The following PALD1 variants were observed in gnomAD, a reference collection of about 807,000 sequenced individuals.
PALD1 encodes paladin.
Under a neutral mutation model 96.0 loss-of-function variants are expected in PALD1, and 57 were observed. The observed-to-expected ratio is 0.59, with a 90% CI of 0.48 to 0.74. The LOEUF is 0.74. Ranked by LOEUF, PALD1 falls within the 30% of genes least tolerant of loss-of-function variation. The probability of loss-of-function intolerance (pLI) is 0.00; values close to 1 mark genes in which losing one functional copy is unlikely to be tolerated. For synonymous variants in PALD1, 464 were observed against 473.6 expected (o/e 0.98, Z 0.26); for missense variants, 1,063 against 1,143.7 (o/e 0.93, Z 1.02).
chr10:70,472,299 C>T, the PALD1 span, among the ~76,000 whole-genome samples: 1 of 152,098 alleles, frequency 6.6e-6, no homozygotes, highest in African/African-American at 2.4e-5. Context: ...TTGCTCTTGT[C>T]GCCTGGGCTG....
Position 70,539,196 on chromosome 10 carries a change from C to T in PALD1, c.1674C>T (p.His558=). 6.2e-7 allele frequency: 1 copy of T among 1,612,884 alleles called. No individual in the cohort carries two copies. The highest frequency in any genetic ancestry group is 8.5e-7 in the Non-Finnish European group (1 of 1,179,544). ...AGGCCGTGTTGGAGTGTGACGGGCA[C>T]ACCTACAGCCTGCGGTGGCCTGGGC... ...REEAVLECDG[H]TYSLRWPGPP... The change falls in exon 14 of 20, where the codon CAC becomes CAT. Residue 558 remains histidine, a synonymous_variant. Coordinates refer to ENST00000263563, the MANE Select transcript of PALD1 (RefSeq NM_014431.3). This position sits in a 1 kb window ranked among gnomAD's most constrained non-coding sequence, Gnocchi z 4.5.
At chr10:70,460,761 A>T in the PALD1 span, among the ~76,000 whole-genome samples, 1 of 152,200 alleles carries the variant, frequency 6.6e-6, no homozygotes, top group Non-Finnish European at 1.5e-5. Context: ...TGTAGGATGA[A>T]ATACAAGCTC....
rs200429743 is a variant in PALD1 at position 70,564,405 on chromosome 10, G to C, written c.2304G>C (p.Gln768His). The C allele has an allele frequency of 2.5e-4, 410 of 1,613,762 alleles. 2 individuals carry two copies. The highest frequency in any genetic ancestry group is 1.6e-4 in the Non-Finnish European group (187 of 1,179,692). ...AKEAQEMRRL[Q>H]LRSLQYLERY... Reference sequence around the variant, plus strand: ...AGGCGCAAGAAATGCGGAGGCTGCAGCTGCGGAGCCTGCAGTACTTGGAGC... The same window carrying C: ...AGGCGCAAGAAATGCGGAGGCTGCACCTGCGGAGCCTGCAGTACTTGGAGC... Residue 768 changes from glutamine to histidine, a missense_variant, in exon 19 of 20, where the codon CAG becomes CAC. Coordinates refer to ENST00000263563, the MANE Select transcript of PALD1 (RefSeq NM_014431.3).
At chr10:70,463,932 C>G in the PALD1 span, among the ~76,000 whole-genome samples, 3 of 152,238 alleles carry the variant, frequency 2.0e-5, no homozygotes, top group African/African-American at 7.2e-5. Context: ...TGAGGTTGAA[C>G]TTAGTAGGTG....
At chr10:70,507,901 C>G (rs775486119) in intron 1 of PALD1, among the ~76,000 whole-genome samples, 2 of 152,136 alleles carry the variant, frequency 1.3e-5, no homozygotes, top group African/African-American at 4.8e-5. Context: ...CTCCTTTGTG[C>G]CAAGCACAGG....
intron 6 of PALD1, 70 bp from the exon 7 acceptor site, chr10:70,532,925 C>T (rs994680234): frequency 2.8e-5 from 42 of 1,517,958 alleles, no homozygotes; most frequent in East Asian, 1.4e-4. Context: ...AAACAGTGCC[C>T]GGGAATAGGG....
At chr10:70,484,694 A>G (rs1464841288) in intron 1 of PALD1, among the ~76,000 whole-genome samples, 1 of 152,048 alleles carries the variant, frequency 6.6e-6, no homozygotes, top group Non-Finnish European at 1.5e-5. Context: ...GTGTGCCACT[A>G]TGCCTGGCTA....
chr10:70,544,566 G>A (rs1306768900), intron 17 of PALD1, among the ~76,000 whole-genome samples: 1 of 152,124 alleles, frequency 6.6e-6, no homozygotes, highest in Non-Finnish European at 1.5e-5. Flanking sequence ...GGTCTTGAGG[G>A]CTCCTGGATG....
chr10:70,562,233 G>A (rs777162199), intron 18 of PALD1, among the ~76,000 whole-genome samples: 3 of 152,182 alleles, frequency 2.0e-5, no homozygotes, highest in Admixed American at 6.5e-5. Flanking sequence ...GCCCCTCTTG[G>A]GCACAGCCTG....
Position 70,529,223 on chromosome 10 carries a change from C to CT in PALD1, c.186-6_186-5insT. On this transcript the variant is annotated splice_region_variant and splice_polypyrimidine_tract_variant and intron_variant, in intron 2 of 19. Coordinates refer to ENST00000263563, the MANE Select transcript of PALD1 (RefSeq NM_014431.3). ...TTTCCATTCTGCCCCCCCCCCCCCCCCCCAGGTACAACTGCAAGGAGGAGT... is the reference window on the plus strand; with the variant it reads ...TTTCCATTCTGCCCCCCCCCCCCCCCTCCCAGGTACAACTGCAAGGAGGAGT... 1 of 338,546 alleles carries CT rather than the reference C, an allele frequency of 3.0e-6. No individual in the cohort carries two copies. Among genetic ancestry groups the CT allele is most frequent in the Non-Finnish European group, 5.4e-6 (1 of 186,076 alleles). 21.0% of individuals were successfully genotyped at this position (338,546 alleles called of 1,614,324 possible).
At chr10:70,533,543 C>G (rs902945551) in intron 7 of PALD1, among the ~76,000 whole-genome samples, 2 of 152,192 alleles carry the variant, frequency 1.3e-5, no homozygotes, top group Admixed American at 6.5e-5. Flanking sequence ...TCAGTTCCTC[C>G]TTTCTTTAGT....
At chr10:70,470,878 C>G in the PALD1 span, among the ~76,000 whole-genome samples, 2 of 151,436 alleles carry the variant, frequency 1.3e-5, no homozygotes, top group Admixed American at 1.3e-4. Context: ...CTCGGCTCAC[C>G]GCAACCTCCG....
chr10:70,505,848 C>T (rs1371008782), intron 1 of PALD1, among the ~76,000 whole-genome samples: 1 of 150,910 alleles, frequency 6.6e-6, no homozygotes, highest in Non-Finnish European at 1.5e-5. Context: ...TGGCCAAACC[C>T]CATATCTACC....
upstream of PALD1, among the ~76,000 whole-genome samples, chr10:70,478,379 C>A (rs1434498339): frequency 6.6e-6 from 1 of 152,186 alleles, no homozygotes; most frequent in Non-Finnish European, 1.5e-5. Context: ...CAGAGGGGGG[C>A]GAGGGAAGCC....
At chr10:70,473,335 CTG>C in the PALD1 span, among the ~76,000 whole-genome samples, 3 of 152,196 alleles carry the variant, frequency 2.0e-5, no homozygotes, top group African/African-American at 7.2e-5. Context: ...TTATTCATCT[CTG>C]TGTCCTGAGC....
chr10:70,465,205 A>G, the PALD1 span, among the ~76,000 whole-genome samples: 1 of 150,162 alleles, frequency 6.7e-6, no homozygotes, highest in African/African-American at 2.5e-5. Flanking sequence ...CGATCTCCTG[A>G]CCTCGTGATC....
intron 17 of PALD1, among the ~76,000 whole-genome samples, chr10:70,541,958 CA>C (rs1329216227): frequency 6.6e-6 from 1 of 152,248 alleles, no homozygotes; most frequent in African/African-American, 2.4e-5. Flanking sequence ...TGGCCAGCCA[CA>C]AACATTCCAG....
intron 18 of PALD1, among the ~76,000 whole-genome samples, chr10:70,558,741 T>G (rs1014300523): frequency 2.6e-5 from 4 of 151,960 alleles, no homozygotes; most frequent in African/African-American, 9.7e-5. Context: ...GAAAGGCACG[T>G]TTTAAGAGAA....
intron 19 of PALD1, among the ~76,000 whole-genome samples, chr10:70,566,214 C>G (rs1220900234): frequency 6.6e-6 from 1 of 152,190 alleles, no homozygotes; most frequent in Non-Finnish European, 1.5e-5. Context: ...ATAGCCTTAC[C>G]TGCCCCTGCA....
Sources: allele counts gnomAD v4.1 joint callset (sites outside exome capture counted in the v4.1 genomes callset), GRCh38; gene constraint gnomAD v4.1.1; non-coding constraint Gnocchi (gnomAD v3.1); transcripts MANE v1.5; gene names NCBI Gene and HGNC (gene_info 2026-07-23, HGNC 2026-07-21).